CYP27A1: variants seen among roughly 807,000 people sequenced by gnomAD.
The protein encoded by CYP27A1 is sterol 26-hydroxylase, mitochondrial.
CYP27A1 carries 46 observed loss-of-function variants against 58.2 expected under a neutral mutation model. The observed-to-expected ratio is 0.79, with a 90% CI of 0.62 to 1.01. The LOEUF (loss-of-function observed/expected upper bound fraction) is 1.01, where lower values mean the gene tolerates loss of function less well. Among genes scored for constraint, CYP27A1 ranks in the 50% least tolerant of loss-of-function variants. The pLI is 0.00. For synonymous variants in CYP27A1, 274 were observed against 285.1 expected (o/e 0.96, Z 0.39); for missense variants, 704 against 687.0 (o/e 1.02, Z -0.28).
In CYP27A1 at chr2:218,812,240, C is replaced by T. The variant is rs553140875; in HGVS notation, c.465C>T (p.Tyr155=). 1 of 1,614,150 alleles carries T rather than the reference C, an allele frequency of 6.2e-7. No homozygotes were observed. Among genetic ancestry groups the T allele is most frequent in the East Asian group, 2.2e-5 (1 of 44,886 alleles). The change falls in exon 3 of 9, where the codon TAC becomes TAT. Residue 155 remains tyrosine, a synonymous_variant. Coordinates refer to ENST00000258415, the MANE Select transcript of CYP27A1 (RefSeq NM_000784.4). ...GPFTTEGHHW[Y]QLRQALNQRL... is the part of the protein sequence containing the mutation. Reference sequence around the variant, plus strand: ...CCTGCAGGGAAGGACACCACTGGTACCAGCTGCGCCAGGCTCTGAACCAGC... The same window carrying T: ...CCTGCAGGGAAGGACACCACTGGTATCAGCTGCGCCAGGCTCTGAACCAGC...
chr2:218,807,965 C>A (rs1943668414), intron 1 of CYP27A1, among the ~76,000 whole-genome samples: 1 of 152,068 alleles, frequency 6.6e-6, no homozygotes, highest in Admixed American at 6.6e-5. Flanking sequence ...TCTATGAAAG[C>A]AAATACAAAT....
In CYP27A1 at chr2:218,812,655, C is replaced by T. The variant is rs1320530639; in HGVS notation, c.750C>T (p.Asn250=). The T allele has an allele frequency of 6.2e-7, 1 of 1,614,120 alleles. No individual in the cohort carries two copies. Among genetic ancestry groups the T allele is most frequent in the Non-Finnish European group, 8.5e-7 (1 of 1,180,062 alleles). ...FVRSIGLMFQ[N]SLYATFLPKW... ...GATCCATCGGGTTAATGTTCCAGAA[C>T]TCACTCTATGCCACCTTCCTCCCCA... The change falls in exon 4 of 9, where the codon AAC becomes AAT. Residue 250 remains asparagine, a synonymous_variant. Transcript: ENST00000258415.
chr2:218,814,514 G>A, intron 7 of CYP27A1, 31 bp from the exon 8 acceptor site: 2 of 1,613,796 alleles, frequency 1.2e-6, no homozygotes, highest in Non-Finnish European at 8.5e-7. Flanking sequence ...CCCGAAGAGA[G>A]GCATTCATGC....
At chr2:218,789,198 G>A (rs1489101919) in intron 1 of CYP27A1, among the ~76,000 whole-genome samples, 7 of 152,120 alleles carry the variant, frequency 4.6e-5, no homozygotes, top group Admixed American at 4.6e-4. Context: ...CATAGTAGGG[G>A]GCTAATTAAA....
At chr2:218,783,257 C>CA (rs371442397) in intron 1 of CYP27A1, among the ~76,000 whole-genome samples, 34,326 of 79,010 alleles carry the variant, frequency 0.43, 6,024 homozygotes, top group African/African-American at 0.54. Flanking sequence ...AACTCTGTCT[C>CA]AAAAAAAAAA....
chr2:218,792,214 T>C (rs944668400), intron 1 of CYP27A1, among the ~76,000 whole-genome samples: 2 of 152,338 alleles, frequency 1.3e-5, no homozygotes, highest in Non-Finnish European at 2.9e-5. Flanking sequence ...ATGCTTAACA[T>C]TGGACTTACA....
At chr2:218,796,752 CT>C (rs1575200729) in intron 1 of CYP27A1, among the ~76,000 whole-genome samples, 1 of 152,178 alleles carries the variant, frequency 6.6e-6, no homozygotes, top group African/African-American at 2.4e-5. Context: ...GTTTCTTTGA[CT>C]CTGAAAAACA....
intron 1 of CYP27A1, among the ~76,000 whole-genome samples, chr2:218,784,664 A>G (rs1943425772): frequency 6.6e-6 from 1 of 152,246 alleles, no homozygotes; most frequent in Admixed American, 6.5e-5. Flanking sequence ...TTATAACCCT[A>G]TGAAACTTTG....
chr2:218,782,334 G>C lies in CYP27A1; in HGVS notation c.152G>C (p.Arg51Pro), dbSNP rs1333445399. The C allele has an allele frequency of 1.2e-6, 2 of 1,613,492 alleles. No homozygotes were observed. Among genetic ancestry groups the C allele is most frequent in the Admixed American group, 1.7e-5 (1 of 59,930 alleles). ...GCTCCCGGAGCCGGGCCTGGTGTCC[G>C]GCGGCGGCAACGGAGCTTAGAGGAG... ...TGAPGAGPGV[R>P]RRQRSLEEIP... Residue 51 changes from arginine (R) to proline (P), a missense_variant, in exon 1 of 9, where the codon CGG (arginine) becomes CCG (proline). Arg to Pro is a moderately radical substitution (Grantham distance 103). Transcript: ENST00000258415. This position sits in a 1 kb window ranked among gnomAD's most constrained non-coding sequence, Gnocchi z 4.1.
At chr2:218,793,913 C>G (rs1043458150) in intron 1 of CYP27A1, among the ~76,000 whole-genome samples, 3 of 152,110 alleles carry the variant, frequency 2.0e-5, no homozygotes, top group Non-Finnish European at 2.9e-5. Flanking sequence ...AGAGTTTTGC[C>G]ATGTTGGCCA....
At position 218,809,783 on chromosome 2, in the gene CYP27A1, A is replaced by C; in HGVS notation, c.446+16A>C. On this transcript the variant is annotated intron_variant, in intron 2 of 8. Coordinates refer to ENST00000258415, the MANE Select transcript of CYP27A1 (RefSeq NM_000784.4). Reference sequence around the variant, plus strand: ...CGTTCACCACGTGAGCTGGGGCCTGAAGGGACTGGAACAGGGCCCCAGAGG... The same window carrying C: ...CGTTCACCACGTGAGCTGGGGCCTGCAGGGACTGGAACAGGGCCCCAGAGG... The C allele has an allele frequency of 6.2e-7, 1 of 1,610,414 alleles. No individual in the cohort carries two copies. Among genetic ancestry groups the C allele is most frequent in the Non-Finnish European group, 8.5e-7 (1 of 1,177,412 alleles).
At chr2:218,812,028 A>C (rs1307152270) in intron 2 of CYP27A1, among the ~76,000 whole-genome samples, 194 bp from the exon 3 acceptor site, 1 of 152,158 alleles carries the variant, frequency 6.6e-6, no homozygotes, top group African/African-American at 2.4e-5. Context: ...ACTCTGCTAT[A>C]GCGAGATTCT....
intron 1 of CYP27A1, among the ~76,000 whole-genome samples, chr2:218,808,125 T>G (rs1225631609): frequency 1.4e-4 from 22 of 152,250 alleles, no homozygotes; most frequent in Admixed American, 1.4e-3. Flanking sequence ...GGATATCTCA[T>G]GCTTTGTTTA....
chr2:218,814,241 CAGA>C lies in CYP27A1; in HGVS notation c.1184+55_1184+57del, dbSNP rs1943758334. 3 of 1,611,748 alleles carry C rather than the reference CAGA, an allele frequency of 1.9e-6. No homozygotes were observed. In the South Asian group the frequency reaches 3.3e-5, roughly 18 times the overall value. ...CAGGATCTCTTTGTGGGGAGGGAAT[CAGA>C]GGAGGAAATCTGAAGTGAAGACAGG... On this transcript the variant is annotated intron_variant, in intron 6 of 8. Coordinates refer to ENST00000258415, the MANE Select transcript of CYP27A1 (RefSeq NM_000784.4).
At chr2:218,814,890 C>T (rs1238303864) in intron 8 of CYP27A1, 21 bp from the exon 9 acceptor site, 2 of 1,614,200 alleles carry the variant, frequency 1.2e-6, no homozygotes, top group Non-Finnish European at 8.5e-7. Context: ...CACCCAACCA[C>T]ATGTGCTCTT....
intron 1 of CYP27A1, among the ~76,000 whole-genome samples, chr2:218,791,885 GC>G (rs1237657787): frequency 6.6e-6 from 1 of 152,132 alleles, no homozygotes; most frequent in Non-Finnish European, 1.5e-5. Flanking sequence ...GTGTGGGAAA[GC>G]TTTTATACAA....
intron 1 of CYP27A1, among the ~76,000 whole-genome samples, chr2:218,794,275 A>G (rs1033899582): frequency 6.6e-6 from 1 of 152,210 alleles, no homozygotes; most frequent in African/African-American, 2.4e-5. Context: ...AACTGCCATT[A>G]GAATAAGGAT....
intron 8 of CYP27A1, 67 bp from the exon 9 acceptor site, chr2:218,814,844 T>G (rs1575207107): frequency 6.2e-7 from 1 of 1,613,494 alleles, no homozygotes; most frequent in East Asian, 2.2e-5. Context: ...AGGGTAGGAG[T>G]GTGCAGAGCG....
chr2:218,796,069 T>C (rs1345735490), intron 1 of CYP27A1, among the ~76,000 whole-genome samples: 3 of 152,208 alleles, frequency 2.0e-5, no homozygotes, highest in Non-Finnish European at 4.4e-5. Context: ...CATTCTTTAC[T>C]GACCACGGGT....
Sources: allele counts gnomAD v4.1 joint callset (sites outside exome capture counted in the v4.1 genomes callset), GRCh38; gene constraint gnomAD v4.1.1; non-coding constraint Gnocchi (gnomAD v3.1); transcripts MANE v1.5; gene names NCBI Gene and HGNC (gene_info 2026-07-23, HGNC 2026-07-21).